Variants in POLQ observed in about 807,000 individuals in gnomAD.
POLQ encodes DNA polymerase theta, also known as epididymis secretory sperm binding protein.
POLQ carries 233 observed loss-of-function variants against 259.2 expected under a neutral mutation model. The ratio of observed to expected loss-of-function variants is 0.90; its 90% confidence interval spans 0.81 to 1.00. The LOEUF is 1.00. POLQ is among the 50% of genes least tolerant of loss of function. The pLI, the probability that POLQ is intolerant of heterozygous loss-of-function variation, is 0.00. For missense variants in POLQ, 2,871 were observed against 3,051.6 expected, an observed-to-expected ratio of 0.94 and a Z score of 1.39; for synonymous variants, 1,025 against 1,048.8, an observed-to-expected ratio of 0.98 and a Z score of 0.44.
chr3:121,442,106 CT>C (rs1459407716), intron 26 of POLQ, among the ~76,000 whole-genome samples: 1 of 152,132 alleles, frequency 6.6e-6, no homozygotes, highest in Non-Finnish European at 1.5e-5. Context: ...GATGGAACTA[CT>C]GCAAATATTT....
chr3:121,436,963 C>T (rs973453621), intron 27 of POLQ, among the ~76,000 whole-genome samples: 1 of 152,020 alleles, frequency 6.6e-6, no homozygotes, highest in Non-Finnish European at 1.5e-5. Flanking sequence ...CAGGTGTAAT[C>T]TATATATGAA....
intron 7 of POLQ, 112 bp from the exon 8 acceptor site, chr3:121,522,261 A>G (rs961444631): frequency 5.3e-6 from 2 of 376,108 alleles, no homozygotes; most frequent in African/African-American, 4.5e-5. Context: ...AAACTGCTGC[A>G]TACTATATAA....
Position 121,489,247 on chromosome 3 carries a change from ATT to A in POLQ, c.3682_3683del (p.Asn1228Ter). On this transcript the variant is annotated frameshift_variant, in exon 16 of 30. Transcript: ENST00000264233. LOFTEE classifies it high-confidence loss of function. ...AATTGATAGTAACATTTGAGTCTCTATTTATGTAACTACTGACTGCTTCACAG... is the reference window on the plus strand; with the variant it reads ...AATTGATAGTAACATTTGAGTCTCTATATGTAACTACTGACTGCTTCACAG... Reference protein sequence around the residue: ...MPCEAVSSYINRDSNVTINCE... With the variant: ...MPCEAVSSYIXRDSNVTINCE... The A allele has an allele frequency of 6.2e-7, 1 of 1,612,890 alleles. No individual in the cohort carries two copies. Among genetic ancestry groups the A allele is most frequent in the Non-Finnish European group, 8.5e-7 (1 of 1,179,300 alleles).
At chr3:121,436,343 CCA>C (rs1158523444) in intron 27 of POLQ, 68 bp from the exon 28 acceptor site, 5 of 1,513,436 alleles carry the variant, frequency 3.3e-6, no homozygotes, top group Non-Finnish European at 4.6e-6. Flanking sequence ...CCTTTAGTGT[CCA>C]CAGTTCAGTG....
In POLQ at chr3:121,544,464, A is replaced by G. The variant is rs1460694608; in HGVS notation, c.343+263T>C. Among the ~76,000 whole-genome samples the G allele has an allele frequency of 2.0e-5, 3 of 152,228 alleles. No homozygotes were observed. In the East Asian group the frequency reaches 5.8e-4, roughly 29 times the overall value. On this transcript the variant is annotated intron_variant, in intron 2 of 29. Transcript: ENST00000264233. ...TCTCCCATTGCACACTCACTGGGAT[A>G]TATGTTTGTTGAGAATAATGGCAGG...
intron 20 of POLQ, among the ~76,000 whole-genome samples, chr3:121,476,098 A>C (rs546008620): frequency 6.6e-6 from 1 of 152,324 alleles, no homozygotes; most frequent in East Asian, 1.9e-4. Flanking sequence ...TCATGAGCAA[A>C]AAATCCCTTT....
Position 121,433,019 on chromosome 3 carries a change from T to C in POLQ, c.7558A>G (p.Arg2520Gly). The change falls in exon 29 of 30, where the codon AGA becomes GGA. Residue 2520 changes from arginine (R) to glycine (G), a missense_variant. Around this residue, in one of 3 missense-constraint regions of POLQ, gnomAD observed 2,080 missense variants for 2,126.0 expected, o/e 0.98. Coordinates refer to ENST00000264233, the MANE Select transcript of POLQ (RefSeq NM_199420.4). ...GGGCAGAACATCCCTTGCAGTTTTC[T>C]CTTTCGTGACAATCCTACTTCATGA... Reference protein sequence around the residue: ...QSDQTGLSRKRKLQGMFCPIR... With the variant: ...QSDQTGLSRKGKLQGMFCPIR... The C allele has an allele frequency of 6.2e-7, 1 of 1,604,800 alleles. No individual in the cohort carries two copies. Among genetic ancestry groups the C allele is most frequent in the Non-Finnish European group, 8.5e-7 (1 of 1,171,550 alleles).
intron 22 of POLQ, among the ~76,000 whole-genome samples, chr3:121,469,632 C>A (rs1238417468): frequency 6.6e-6 from 1 of 152,152 alleles, no homozygotes; most frequent in Non-Finnish European, 1.5e-5. Flanking sequence ...CTTTTTACAT[C>A]AACACATTGT....
intron 9 of POLQ, 86 bp from the exon 10 acceptor site, chr3:121,512,115 C>T: frequency 2.5e-6 from 3 of 1,178,070 alleles, no homozygotes; most frequent in Admixed American, 4.6e-5. Context: ...CCTTACTTTG[C>T]TTAAAAGCAG....
chr3:121,455,814 A>G (rs1167436730), intron 25 of POLQ, among the ~76,000 whole-genome samples: 1 of 152,226 alleles, frequency 6.6e-6, no homozygotes, highest in Non-Finnish European at 1.5e-5. Context: ...TACAAGGAGG[A>G]ACTGGTACCA....
intron 9 of POLQ, among the ~76,000 whole-genome samples, chr3:121,515,269 C>T (rs2048286656): frequency 6.6e-6 from 1 of 152,078 alleles, no homozygotes. Context: ...CTCAAGCGAT[C>T]CTTCCATCTC....
chr3:121,530,494 T>C (rs1471316777), intron 6 of POLQ, among the ~76,000 whole-genome samples: 2 of 152,074 alleles, frequency 1.3e-5, no homozygotes, highest in Admixed American at 1.3e-4. Flanking sequence ...AAATATAAAA[T>C]ACAACAATAA....
chr3:121,509,889 A>G, intron 11 of POLQ, 150 bp downstream of exon 11: 2 of 802,224 alleles, frequency 2.5e-6, no homozygotes, highest in Non-Finnish European at 4.0e-6. Context: ...TAAATACAAT[A>G]CTGATTTACT....
At chr3:121,485,772 C>T (rs2048006089) in intron 16 of POLQ, among the ~76,000 whole-genome samples, 1 of 152,068 alleles carries the variant, frequency 6.6e-6, no homozygotes, top group African/African-American at 2.4e-5. Context: ...TAGCCTGATA[C>T]AGAAAATGTG....
chr3:121,545,793 C>G lies in POLQ; in HGVS notation c.85G>C (p.Ala29Pro). Residue 29 changes from alanine (A) to proline (P), a missense_variant, in exon 1 of 30, where the codon GCC becomes CCC. Around this residue, in one of 3 missense-constraint regions of POLQ, gnomAD observed 783 missense variants for 906.2 expected, o/e 0.86. Transcript: ENST00000264233. ...GACCCGGAGAGGAACTGGGGGCTGG[C>G]ACTGCTGTCACCGCCGCTTCCCGAG... is the stretch of plus-strand genomic sequence containing the variant. ...SFSGSGGDSS[A>P]SPQFLSGSVL... 6.2e-7 allele frequency: 1 copy of G among 1,611,708 alleles called. No individual in the cohort carries two copies. Among genetic ancestry groups the G allele is most frequent in the Non-Finnish European group, 8.5e-7 (1 of 1,179,162 alleles).
At chr3:121,472,966 G>A (rs1576409213) in intron 21 of POLQ, among the ~76,000 whole-genome samples, 1 of 152,218 alleles carries the variant, frequency 6.6e-6, no homozygotes, top group East Asian at 1.9e-4. Flanking sequence ...GCTCATGCCT[G>A]TAATCCCAGC....
Position 121,489,936 on chromosome 3 carries a change from CTTTA to C in POLQ, c.2991_2994del (p.Asn997LysfsTer31), listed in dbSNP as rs1185391263. 3.2e-6 allele frequency: 5 copies of C among 1,579,924 alleles called. No individual in the cohort carries two copies. The highest frequency in any genetic ancestry group is 4.3e-6 in the Non-Finnish European group (5 of 1,170,898). On this transcript the variant is annotated frameshift_variant, in exon 16 of 30. Coordinates refer to ENST00000264233, the MANE Select transcript of POLQ (RefSeq NM_199420.4). LOFTEE classifies it high-confidence loss of function. Reference sequence around the variant, plus strand: ...TCATTCTGAGAGGCTCCTGGCTTCTCTTTATTTATATCTAAAGAGGCCCGTTTTC... The same window carrying C: ...TCATTCTGAGAGGCTCCTGGCTTCTCTTTATATCTAAAGAGGCCCGTTTTC...
chr3:121,522,103 T>C lies in POLQ; in HGVS notation c.1155A>G (p.Lys385=). ...ACTGATCCATCACTTCCAGGAGTTC[T>C]TTTTGTTCCAGAATTACTGGTGGGC... ...SECPPVILEQ[K]ELLEVMDQLR... is the part of the protein sequence containing the mutation. The change falls in exon 8 of 30, where the codon AAA becomes AAG. Residue 385 remains lysine, a synonymous_variant. Transcript: ENST00000264233. 6.2e-7 allele frequency: 1 copy of C among 1,610,496 alleles called. No homozygotes were observed. Among genetic ancestry groups the C allele is most frequent in the Middle Eastern group, 1.7e-4 (1 of 6,038 alleles).
At position 121,457,202 on chromosome 3, in the gene POLQ, T is replaced by C. The variant is rs1470313873; in HGVS notation, c.7152+2848A>G. ...CCATATGTAGAAACCTGAAACTGGA[T>C]CCCTTCCTTACACCTTATACAAAAA... On this transcript the variant is annotated intron_variant, in intron 25 of 29. Coordinates refer to ENST00000264233, the MANE Select transcript of POLQ (RefSeq NM_199420.4). Among the ~76,000 whole-genome samples, 8 of 152,170 alleles carry C rather than the reference T, an allele frequency of 5.3e-5. No homozygotes were observed. In the South Asian group the frequency reaches 6.2e-4, roughly 12 times the overall value.
Sources: allele counts gnomAD v4.1 joint callset (sites outside exome capture counted in the v4.1 genomes callset), GRCh38; gene constraint gnomAD v4.1.1; regional missense constraint gnomAD v4.1.1; transcripts MANE v1.5; gene names NCBI Gene and HGNC (gene_info 2026-07-23, HGNC 2026-07-21).